Variants in SFMBT1 observed in about 807,000 individuals in gnomAD.
SFMBT1 encodes the protein Scm like with four mbt domains 1.
Under a neutral mutation model 108.7 loss-of-function variants are expected in SFMBT1, and 32 were observed. The observed-to-expected ratio is 0.29, with a 90% CI of 0.22 to 0.40. The LOEUF is 0.40. Among genes scored for constraint, SFMBT1 ranks in the 10% least tolerant of loss-of-function variants. The pLI is 1.00. For synonymous variants in SFMBT1, 348 were observed against 369.5 expected, an observed-to-expected ratio of 0.94 and a Z score of 0.67; for missense variants, 816 against 1,059.6, an observed-to-expected ratio of 0.77 and a Z score of 3.19.
Position 52,945,142 on chromosome 3 carries a change from A to AAAAAAAAAAAAAAAAAAAAAAAAAC in SFMBT1, c.124-1550_124-1549insGTTTTTTTTTTTTTTTTTTTTTTTT, listed in dbSNP as rs1559521034. On this transcript the variant is annotated intron_variant, in intron 3 of 20. Transcript: ENST00000394752. Reference sequence around the variant, plus strand: ...CCAAATACCACCTTCCAATTAAAAAAAAAAAAAAACAAGGACTTCAGGGAA... The same window carrying AAAAAAAAAAAAAAAAAAAAAAAAAC: ...CCAAATACCACCTTCCAATTAAAAAAAAAAAAAAAAAAAAAAAAAAAAAACAAAAAAAAACAAGGACTTCAGGGAA... Among the ~76,000 whole-genome samples, 31 of 147,110 alleles carry AAAAAAAAAAAAAAAAAAAAAAAAAC rather than the reference A, an allele frequency of 2.1e-4. No homozygotes were observed. The Middle Eastern group carries it at 0.011, about 54-fold the overall frequency.
rs183597104 is a variant in SFMBT1, at chr3:53,013,677, G to A, written c.-131+32139C>T. On this transcript the variant is annotated intron_variant, in intron 1 of 20. Transcript: ENST00000394752. Reference sequence around the variant, plus strand: ...GGAGTCTTGCTCTGTCACCCAGGCCGGAGTGCAATGGCGCAATCTCAGCTC... The same window carrying A: ...GGAGTCTTGCTCTGTCACCCAGGCCAGAGTGCAATGGCGCAATCTCAGCTC... Among the ~76,000 whole-genome samples the A allele has an allele frequency of 2.0e-3, 255 of 125,490 alleles. 2 individuals carry two copies. Among genetic ancestry groups the A allele is most frequent in the Non-Finnish European group, 1.2e-3 (76 of 63,668 alleles). The allele number at this position is 125,490 out of a possible 152,430, so 82.3% of individuals were successfully genotyped here.
chr3:53,019,619 C>A lies in SFMBT1; in HGVS notation c.-131+26197G>T, dbSNP rs144769461. Among the ~76,000 whole-genome samples, 4 of 152,298 alleles carry A rather than the reference C, an allele frequency of 2.6e-5. No homozygotes were observed. In the East Asian group the frequency reaches 7.7e-4, roughly 29 times the overall value. The stretch of plus-strand genomic sequence containing the variant: ...TCCTCATCCTCACCCTGTCCATGAG[C>A]AAGTCCTATTGAGTCTAGCCACCAT... On this transcript the variant is annotated intron_variant, in intron 1 of 20. Transcript: ENST00000394752.
At chr3:52,924,658 AAAC>A (rs148019673) in intron 10 of SFMBT1, among the ~76,000 whole-genome samples, 89,074 of 150,474 alleles carry the variant, frequency 0.59, 26,716 homozygotes, top group South Asian at 0.8. Context: ...AACAAAAAAC[AAAC>A]AACAACAACA....
intron 3 of SFMBT1, among the ~76,000 whole-genome samples, chr3:52,952,960 C>A (rs1703646237): frequency 6.6e-6 from 1 of 152,246 alleles, no homozygotes; most frequent in Middle Eastern, 3.4e-3. Flanking sequence ...CAACTATCTG[C>A]AAGCCAGAAA....
At chr3:52,975,256 T>A (rs1036803042) in intron 1 of SFMBT1, among the ~76,000 whole-genome samples, 24 of 152,212 alleles carry the variant, frequency 1.6e-4, no homozygotes, top group African/African-American at 4.6e-4. Flanking sequence ...AGCATAAGCA[T>A]ACAATGCACC....
Position 52,912,608 on chromosome 3 carries a change from G to T in SFMBT1, c.1660C>A (p.Arg554Ser). The part of the protein sequence containing the change: ...LLINAAYKPS[R>S]VLRELQLDKD... ...TCCAGCTGGAGCTCCCGAAGGACAC[G>T]GCTGGGTTTGTAGGCTGCATTGATA... The change falls in exon 16 of 21, where the codon CGT (arginine) becomes AGT (serine). Residue 554 changes from arginine (R) to serine (S), a missense_variant. Arg to Ser is a moderately radical substitution (Grantham distance 110). Transcript: ENST00000394752. 4.3e-6 allele frequency: 7 copies of T among 1,614,058 alleles called. No individual in the cohort carries two copies. Among genetic ancestry groups the T allele is most frequent in the Non-Finnish European group, 5.9e-6 (7 of 1,179,964 alleles).
chr3:53,015,858 T>C (rs1346308525), intron 1 of SFMBT1, among the ~76,000 whole-genome samples: 1 of 152,190 alleles, frequency 6.6e-6, no homozygotes, highest in Admixed American at 6.5e-5. Flanking sequence ...TAGATTATCA[T>C]GATGGTTACA....
chr3:52,947,694 A>G (rs1206226209), intron 3 of SFMBT1, among the ~76,000 whole-genome samples: 4 of 151,484 alleles, frequency 2.6e-5, no homozygotes, highest in Non-Finnish European at 5.9e-5. Flanking sequence ...TAATTTATCA[A>G]TATTTTTCCT....
At chr3:52,906,587 A>G (rs1421741470) in intron 19 of SFMBT1, among the ~76,000 whole-genome samples, 3 of 152,224 alleles carry the variant, frequency 2.0e-5, no homozygotes, top group African/African-American at 7.2e-5. Flanking sequence ...GCTTCTGTTC[A>G]TGGAATATTC....
Position 52,918,931 on chromosome 3 carries a change from T to C in SFMBT1, c.1373-405A>G, listed in dbSNP as rs141670787. ...CAGGGGGTGGGGGGTCATTTCAGGATGAAACTGTTCTACCTCAGATCATCA... is the reference window on the plus strand; with the variant it reads ...CAGGGGGTGGGGGGTCATTTCAGGACGAAACTGTTCTACCTCAGATCATCA... On this transcript the variant is annotated intron_variant, in intron 12 of 20. Coordinates refer to ENST00000394752, the MANE Select transcript of SFMBT1 (RefSeq NM_016329.4). 1.8e-4 allele frequency among the ~76,000 whole-genome samples: 27 copies of C among 152,154 alleles called. No homozygotes were observed. In the East Asian group the frequency reaches 5.2e-3, roughly 29 times the overall value.
intron 1 of SFMBT1, among the ~76,000 whole-genome samples, chr3:52,981,529 A>ATT (rs34406724): frequency 0.17 from 22,039 of 132,688 alleles, 2,330 homozygotes; most frequent in East Asian, 0.44. Context: ...TGCTCAGCTA[A>ATT]TTTTTTTTTT....
chr3:52,946,226 G>A (rs1703360058), intron 3 of SFMBT1, among the ~76,000 whole-genome samples: 1 of 152,214 alleles, frequency 6.6e-6, no homozygotes, highest in Non-Finnish European at 1.5e-5. Context: ...TCATATACCA[G>A]AGAAGACTAT....
chr3:52,918,506 C>A lies in SFMBT1; in HGVS notation c.1393G>T (p.Ala465Ser). The change falls in exon 13 of 21, where the codon GCA (alanine) becomes TCA (serine). Residue 465 changes from alanine to serine, a missense_variant. By Grantham distance (99) the Ala-to-Ser change is moderately conservative. This residue lies in a region of SFMBT1 where 495 missense variants were observed against 607.4 expected (regional missense o/e 0.81). Transcript: ENST00000394752. ...RARVYKQRKI[A>S]VVQPEKQVPS... Reference sequence around the variant, plus strand: ...TACTGTTTTTCTGGCTGAACCACTGCAATTTTCCTCTGTTTATATACTGTA... The same window carrying A: ...TACTGTTTTTCTGGCTGAACCACTGAAATTTTCCTCTGTTTATATACTGTA... 1 of 1,558,478 alleles carries A rather than the reference C, an allele frequency of 6.4e-7. No individual in the cohort carries two copies. The highest frequency in any genetic ancestry group is 8.6e-7 in the Non-Finnish European group (1 of 1,158,870).
Position 52,930,334 on chromosome 3 carries a change from C to G in SFMBT1, c.892G>C (p.Val298Leu). 1 of 1,589,698 alleles carries G rather than the reference C, an allele frequency of 6.3e-7. No homozygotes were observed. The highest frequency in any genetic ancestry group is 8.6e-7 in the Non-Finnish European group (1 of 1,157,770). ...SPFGISPATV[V>L]KVFDEKYFLV... ...GAGAGTTATCTCCATTTTACCTTAACAACTGTAGCAGGAGAGATCCCAAAA... is the reference window on the plus strand; with the variant it reads ...GAGAGTTATCTCCATTTTACCTTAAGAACTGTAGCAGGAGAGATCCCAAAA... The change falls in exon 8 of 21, where the codon GTT (valine) becomes CTT (leucine). Residue 298 changes from valine (V) to leucine (L), a missense_variant. Val to Leu is a conservative substitution (Grantham distance 32). This residue lies in a region of SFMBT1 where 495 missense variants were observed against 607.4 expected (regional missense o/e 0.81). Transcript: ENST00000394752.
intron 1 of SFMBT1, among the ~76,000 whole-genome samples, chr3:52,985,125 G>A (rs1257821248): frequency 1.3e-5 from 2 of 152,120 alleles, no homozygotes; most frequent in Non-Finnish European, 1.5e-5. Flanking sequence ...ATGAGCACAT[G>A]TTGAAACAGT....
At chr3:52,994,915 C>G (rs72961763) in intron 1 of SFMBT1, among the ~76,000 whole-genome samples, 7,977 of 142,824 alleles carry the variant, frequency 0.056, 836 homozygotes, top group African/African-American at 0.19. Flanking sequence ...AAAAAAAGAG[C>G]AAGAAATTGA....
In SFMBT1 at chr3:53,004,292, T is replaced by C. The variant is rs1698666085; in HGVS notation, c.-130-35034A>G. 1.4e-5 allele frequency among the ~76,000 whole-genome samples: 2 copies of C among 145,108 alleles called. 1 individual carries two copies. Among genetic ancestry groups the C allele is most frequent in the Non-Finnish European group, 3.1e-5 (2 of 65,102 alleles). ...TCTCTCTCTCCTCCTCTCTTTCTTTTAGATGGAGTCTCGCTCTGTCGCCAG... is the reference window on the plus strand; with the variant it reads ...TCTCTCTCTCCTCCTCTCTTTCTTTCAGATGGAGTCTCGCTCTGTCGCCAG... On this transcript the variant is annotated intron_variant, in intron 1 of 20. Coordinates refer to ENST00000394752, the MANE Select transcript of SFMBT1 (RefSeq NM_016329.4).
intron 1 of SFMBT1, among the ~76,000 whole-genome samples, chr3:53,008,957 G>A (rs1395446279): frequency 6.6e-6 from 1 of 151,564 alleles, no homozygotes; most frequent in East Asian, 2.0e-4. Context: ...TTACCCTTCT[G>A]GGTCTTGATA....
intron 1 of SFMBT1, among the ~76,000 whole-genome samples, chr3:53,035,127 C>CT (rs1699826725): frequency 6.6e-6 from 1 of 152,138 alleles, no homozygotes; most frequent in Non-Finnish European, 1.5e-5. Context: ...AGGGAATAAG[C>CT]TGGACAAATG....
Sources: gnomAD v4.1 joint callset for allele counts (sites outside exome capture counted in the v4.1 genomes callset) on GRCh38, gnomAD v4.1.1 for gene constraint, gnomAD v4.1.1 regional missense constraint, MANE v1.5 for transcripts, NCBI Gene and HGNC (gene_info 2026-07-23, HGNC 2026-07-21) for gene names.